SLC2A13: variants seen among roughly 807,000 people sequenced by gnomAD.
SLC2A13 encodes solute carrier family 2 member 13, also known as proton myo-inositol cotransporter.
Under a neutral mutation model 64.4 loss-of-function variants are expected in SLC2A13, and 32 were observed. The ratio of observed to expected loss-of-function variants is 0.50; its 90% confidence interval spans 0.37 to 0.67. The LOEUF is 0.67. Ranked by LOEUF, SLC2A13 falls within the 30% of genes least tolerant of loss-of-function variation. The pLI is 0.00. For synonymous variants in SLC2A13, 338 were observed against 327.1 expected (o/e 1.03, Z -0.36); for missense variants, 743 against 829.2 (o/e 0.90, Z 1.28).
At chr12:39,764,065 T>C (rs1940258979) in intron 9 of SLC2A13, among the ~76,000 whole-genome samples, 1 of 152,110 alleles carries the variant, frequency 6.6e-6, no homozygotes, top group South Asian at 2.1e-4. Context: ...CTGGACGCTA[T>C]GCCTGTCACA....
intron 1 of SLC2A13, among the ~76,000 whole-genome samples, chr12:40,073,390 T>C (rs188657717): frequency 1.3e-5 from 2 of 152,246 alleles, no homozygotes; most frequent in Admixed American, 1.3e-4. Flanking sequence ...TAGACAAGTA[T>C]ATATATAGAC....
chr12:39,843,523 C>T (rs1395327243), intron 6 of SLC2A13, among the ~76,000 whole-genome samples: 1 of 152,200 alleles, frequency 6.6e-6, no homozygotes, highest in Non-Finnish European at 1.5e-5. Context: ...ACTTGCCCTC[C>T]ATTTCAAGGT....
chr12:40,075,671 A>G (rs955094969), intron 1 of SLC2A13, among the ~76,000 whole-genome samples: 1 of 152,126 alleles, frequency 6.6e-6, no homozygotes, highest in Non-Finnish European at 1.5e-5. Context: ...CAGGCCTTGT[A>G]TCTTTAAATA....
intron 4 of SLC2A13, among the ~76,000 whole-genome samples, chr12:39,921,943 C>T (rs1003321755): frequency 6.6e-6 from 1 of 151,142 alleles, no homozygotes; most frequent in African/African-American, 2.5e-5. Flanking sequence ...AAAGATCAAC[C>T]CAGAAGCATC....
At chr12:39,825,193 C>T (rs1316782378) in intron 7 of SLC2A13, among the ~76,000 whole-genome samples, 1 of 152,010 alleles carries the variant, frequency 6.6e-6, no homozygotes, top group Non-Finnish European at 1.5e-5. Context: ...GAAAGTGTCC[C>T]TCATTAGCAA....
intron 7 of SLC2A13, among the ~76,000 whole-genome samples, chr12:39,808,853 G>A (rs960916541): frequency 3.9e-5 from 6 of 151,946 alleles, no homozygotes; most frequent in Non-Finnish European, 8.8e-5. Flanking sequence ...AATACTTCCG[G>A]TCTGTGGCTT....
At chr12:39,865,331 T>C (rs1225068860) in intron 5 of SLC2A13, among the ~76,000 whole-genome samples, 3 of 152,352 alleles carry the variant, frequency 2.0e-5, no homozygotes, top group East Asian at 1.9e-4. Context: ...AAGACTTAAA[T>C]TGGTAAACCT....
chr12:39,896,252 G>A (rs868789299), intron 4 of SLC2A13, among the ~76,000 whole-genome samples: 2 of 84,400 alleles, frequency 2.4e-5, no homozygotes, highest in Non-Finnish European at 5.1e-5. Context: ...ATGTATACAT[G>A]TATGTATATG....
chr12:39,903,765 A>G (rs148943502), intron 4 of SLC2A13, among the ~76,000 whole-genome samples: 182 of 152,122 alleles, frequency 1.2e-3, no homozygotes, highest in African/African-American at 4.3e-3. Flanking sequence ...CTATTCCTAG[A>G]TTGTTCAGTT....
At chr12:39,786,010 C>G (rs1045618953) in intron 7 of SLC2A13, among the ~76,000 whole-genome samples, 3 of 152,140 alleles carry the variant, frequency 2.0e-5, no homozygotes, top group South Asian at 4.1e-4. Flanking sequence ...TCAGATGAGA[C>G]TTTGGACTGT....
At chr12:40,034,754 T>G (rs759957898) in intron 2 of SLC2A13, among the ~76,000 whole-genome samples, 1 of 152,184 alleles carries the variant, frequency 6.6e-6, no homozygotes, top group Non-Finnish European at 1.5e-5. Flanking sequence ...CCTGCATTAG[T>G]TCACGGAAAA....
At chr12:39,893,084 T>A (rs956937065) in intron 4 of SLC2A13, among the ~76,000 whole-genome samples, 1 of 152,190 alleles carries the variant, frequency 6.6e-6, no homozygotes, top group Admixed American at 6.5e-5. Flanking sequence ...ATTTGCATAT[T>A]TCCTATTGAG....
At chr12:39,967,825 C>A (rs755409168) in intron 3 of SLC2A13, among the ~76,000 whole-genome samples, 22 of 152,174 alleles carry the variant, frequency 1.4e-4, no homozygotes, top group African/African-American at 5.3e-4. Flanking sequence ...GTAAAGGTAG[C>A]AAGGCAAGCT....
In SLC2A13 at chr12:39,758,648, T is replaced by C. The variant is rs117842838; in HGVS notation, c.*1378A>G. The C allele has an allele frequency of 1.3e-5, 2 of 152,136 alleles. No homozygotes were observed. The highest frequency in any genetic ancestry group is 2.9e-5 in the Non-Finnish European group (2 of 67,850). The allele number at this position is 152,136 out of a possible 1,614,324, so 9.4% of individuals were successfully genotyped here. On this transcript the variant is annotated 3_prime_UTR_variant, in exon 10 of 10. Coordinates refer to ENST00000280871, the MANE Select transcript of SLC2A13 (RefSeq NM_052885.4). ...AACCAATGAATACCTTGGAAAGACA[T>C]TGTGGAAATATAATTAAGCCTGCAT...
At chr12:39,788,684 G>C (rs917170318) in intron 7 of SLC2A13, 12 of 152,004 alleles carry the variant, frequency 7.9e-5, no homozygotes, top group Non-Finnish European at 1.6e-4. Flanking sequence ...AAAACTTTAG[G>C]AATCATCTAA....
At chr12:39,850,867 C>A (rs1943447817) in intron 6 of SLC2A13, among the ~76,000 whole-genome samples, 1 of 151,654 alleles carries the variant, frequency 6.6e-6, no homozygotes, top group South Asian at 2.1e-4. Context: ...AATGAAATAT[C>A]AGGAAGAGCT....
intron 3 of SLC2A13, among the ~76,000 whole-genome samples, chr12:40,013,258 G>T (rs924149422): frequency 6.6e-6 from 1 of 152,036 alleles, no homozygotes; most frequent in African/African-American, 2.4e-5. Context: ...CAGTGAGAAA[G>T]GGATGGATTA....
At chr12:39,773,285 T>G (rs1940651505) in intron 7 of SLC2A13, among the ~76,000 whole-genome samples, 1 of 152,114 alleles carries the variant, frequency 6.6e-6, no homozygotes, top group Non-Finnish European at 1.5e-5. Context: ...TCAGGTGAAA[T>G]ATGTCTCATT....
intron 3 of SLC2A13, among the ~76,000 whole-genome samples, chr12:39,984,440 A>T (rs1299094536): frequency 1.3e-5 from 2 of 152,206 alleles, no homozygotes; most frequent in Non-Finnish European, 2.9e-5. Flanking sequence ...TAAAAAGTTA[A>T]ATGTTTTTCA....
Sources: allele counts gnomAD v4.1 joint callset (sites outside exome capture counted in the v4.1 genomes callset), GRCh38; gene constraint gnomAD v4.1.1; transcripts MANE v1.5; gene names NCBI Gene and HGNC (gene_info 2026-07-23, HGNC 2026-07-21).